HERC2: variants seen among roughly 807,000 people sequenced by gnomAD.
HERC2 encodes the protein E3 ubiquitin-protein ligase HERC2.
HERC2 carries 102 observed loss-of-function variants against 537.7 expected under a neutral mutation model. The observed-to-expected ratio is 0.19, with a 90% confidence interval of 0.16 to 0.22. The LOEUF is 0.22. Ranked by LOEUF, HERC2 falls within the 10% of genes least tolerant of loss-of-function variation. The pLI is 1.00. For synonymous variants in HERC2, 2,224 were observed against 2,466.2 expected (o/e 0.90, Z 2.91); for missense variants, 4,236 against 6,198.2 (o/e 0.68, Z 10.63).
intron 70 of HERC2, 85 bp from the exon 71 acceptor site, chr15:28,146,429 CA>C: frequency 1.1e-6 from 1 of 885,288 alleles, no homozygotes; most frequent in Admixed American, 1.9e-5. Flanking sequence ...CCACATTTAA[CA>C]GCTAATGAAT....
chr15:28,238,071 A>T, intron 25 of HERC2, 43 bp downstream of exon 25: 1 of 1,048,628 alleles, frequency 9.5e-7, no homozygotes, highest in Admixed American at 1.7e-5. Flanking sequence ...CACAGAGGGT[A>T]TCCCCTGCCA....
chr15:28,282,479 G>C (rs961739288), intron 4 of HERC2, among the ~76,000 whole-genome samples: 1 of 151,386 alleles, frequency 6.6e-6, no homozygotes, highest in Non-Finnish European at 1.5e-5. Context: ...AGAAAAGGAA[G>C]ACAAAAAAAA....
intron 37 of HERC2, among the ~76,000 whole-genome samples, chr15:28,219,662 C>A (rs1244582113): frequency 6.6e-6 from 1 of 152,180 alleles, no homozygotes; most frequent in African/African-American, 2.4e-5. Context: ...CCTCTTCCAG[C>A]CCCCATACCA....
intron 7 of HERC2, among the ~76,000 whole-genome samples, chr15:28,273,529 T>C (rs1596366412): frequency 1.3e-5 from 2 of 152,236 alleles, no homozygotes; most frequent in African/African-American, 4.8e-5. Context: ...AAGGATCTTA[T>C]GGTATCAATA....
intron 69 of HERC2, among the ~76,000 whole-genome samples, chr15:28,158,533 G>A (rs907784744): frequency 5.9e-5 from 9 of 152,088 alleles, no homozygotes; most frequent in South Asian, 2.1e-4. Context: ...TTTAAAGTCC[G>A]TTTTATCAGA....
Position 28,286,124 on chromosome 15 carries a change from A to C in HERC2, c.323-5837T>G, listed in dbSNP as rs555079949. Among the ~76,000 whole-genome samples the C allele has an allele frequency of 2.6e-5, 4 of 152,200 alleles. No homozygotes were observed. In the South Asian group the frequency reaches 6.2e-4, roughly 24 times the overall value. On this transcript the variant is annotated intron_variant, in intron 4 of 92. Transcript: ENST00000261609. ...AAAAAAGAATTAACACGGACTCAAA[A>C]CAATCTCTTCTGGAAACTAGAAGAG...
intron 57 of HERC2, 38 bp from the exon 58 acceptor site, chr15:28,179,261 A>C (rs1895597865): frequency 1.4e-6 from 2 of 1,447,908 alleles, no homozygotes; most frequent in Non-Finnish European, 1.9e-6. Context: ...AAAAGAAAAG[A>C]AAATTTTACT....
intron 42 of HERC2, chr15:28,212,924 T>C (rs1182989554): frequency 7.0e-6 from 3 of 430,554 alleles, no homozygotes; most frequent in African/African-American, 6.5e-5. Context: ...ATAGAAAATA[T>C]AGTCAGGCCA....
Position 28,176,163 on chromosome 15 carries a change from C to T in HERC2, c.9686+265G>A, listed in dbSNP as rs183731464. Among the ~76,000 whole-genome samples the T allele has an allele frequency of 6.6e-6, 1 of 152,304 alleles. No individual in the cohort carries two copies. The highest frequency in any genetic ancestry group is 1.9e-4 in the East Asian group (1 of 5,184). ...ATCCTTAGGCTTCAGCAGAAGAAAC[C>T]GTTCCCATAAATCTCACCCAAACAG... On this transcript the variant is annotated intron_variant, in intron 63 of 92. Coordinates refer to ENST00000261609, the MANE Select transcript of HERC2 (RefSeq NM_004667.6). This position sits in a 1 kb window ranked among gnomAD's most constrained non-coding sequence, Gnocchi z 5.0.
At position 28,285,803 on chromosome 15, in the gene HERC2, C is replaced by CAAAAAAA. The variant is rs3079904; in HGVS notation, c.323-5523_323-5517dup. Among the ~76,000 whole-genome samples, 195 of 72,330 alleles carry CAAAAAAA rather than the reference C, an allele frequency of 2.7e-3. 4 individuals carry two copies. Among genetic ancestry groups the CAAAAAAA allele is most frequent in the African/African-American group, 8.2e-3 (188 of 22,992 alleles). The allele number at this position is 72,330 out of a possible 152,430, so 47.5% of individuals were successfully genotyped here. On this transcript the variant is annotated intron_variant, in intron 4 of 92. Transcript: ENST00000261609. ...GACAAACCTCTCTAAGCATGACTGACAAAAAAAAAAAAAAAAGACATAAAT... is the reference window on the plus strand; with the variant it reads ...GACAAACCTCTCTAAGCATGACTGACAAAAAAAAAAAAAAAAAAAAAAAGACATAAAT...
At chr15:28,251,653 A>G (rs1003903016) in intron 20 of HERC2, among the ~76,000 whole-genome samples, 2 of 151,872 alleles carry the variant, frequency 1.3e-5, no homozygotes, top group Non-Finnish European at 2.9e-5. Flanking sequence ...TACAAAAATC[A>G]GCAAGGCGTG....
At chr15:28,261,304 C>G (rs9302376) in intron 15 of HERC2, among the ~76,000 whole-genome samples, 1 of 151,782 alleles carries the variant, frequency 6.6e-6, no homozygotes, top group Non-Finnish European at 1.5e-5. Flanking sequence ...TTCTCCCATC[C>G]GAGATTTAAC....
intron 56 of HERC2, 110 bp downstream of exon 56, chr15:28,186,467 T>C (rs939834796): frequency 1.6e-5 from 13 of 798,744 alleles, no homozygotes; most frequent in Non-Finnish European, 2.5e-5. Context: ...CGTGTGGACA[T>C]AAAATGACTC....
Position 28,265,624 on chromosome 15 carries a change from C to G in HERC2, c.1864G>C (p.Glu622Gln). The change falls in exon 14 of 93, where the codon GAG becomes CAG. Residue 622 changes from glutamate (E) to glutamine (Q), a missense_variant. This residue lies in a region of HERC2 where 754 missense variants were observed against 1,085.0 expected (regional missense o/e 0.69). Coordinates refer to ENST00000261609, the MANE Select transcript of HERC2 (RefSeq NM_004667.6). This position sits in a 1 kb window ranked among gnomAD's most constrained non-coding sequence, Gnocchi z 4.0. ...SGDAQTLAVT[E>Q]NGQVWSWGDG... is the part of the protein sequence containing the mutation. ...TGGCGAGAGCTCTACGTACCGTTCT[C>G]AGTGACAGCCAGGGTTTGAGCATCC... is the stretch of plus-strand genomic sequence containing the variant. 3 of 1,613,756 alleles carry G rather than the reference C, an allele frequency of 1.9e-6. No homozygotes were observed. The highest frequency in any genetic ancestry group is 1.7e-6 in the Non-Finnish European group (2 of 1,179,778).
At position 28,117,787 on chromosome 15, in the gene HERC2, G is replaced by C. The variant is rs1888441807; in HGVS notation, c.13273-633C>G. On this transcript the variant is annotated intron_variant, in intron 86 of 92. Transcript: ENST00000261609. ...ATCCTTCTCATCCTAAGCTACAATT[G>C]CTAAAGGCTCAGGGGCCTCCAATTC... 1.4e-5 allele frequency: 5 copies of C among 353,852 alleles called. No individual in the cohort carries two copies. The Admixed American group carries it at 1.9e-4, about 13-fold the overall frequency. 21.9% of individuals were successfully genotyped at this position (353,852 alleles called of 1,614,324 possible). A position where few individuals can be genotyped will look rare whatever the true frequency, so the allele number is the denominator to read the frequency against.
intron 70 of HERC2, among the ~76,000 whole-genome samples, chr15:28,152,320 T>C (rs530602093): frequency 6.6e-6 from 1 of 152,284 alleles, no homozygotes; most frequent in African/African-American, 2.4e-5. Context: ...ACAGAAGCTG[T>C]CCAGAAATGC....
At position 28,256,075 on chromosome 15, in the gene HERC2, T is replaced by C; in HGVS notation, c.2746+14A>G. On this transcript the variant is annotated intron_variant, in intron 18 of 92. Transcript: ENST00000261609. ...CCTGACCCATGCCCTCTCCTGTTCC[T>C]TCCCCAGGCCCACCTGCGCAGGGCA... The C allele has an allele frequency of 6.2e-7, 1 of 1,603,704 alleles. No homozygotes were observed. Among genetic ancestry groups the C allele is most frequent in the Non-Finnish European group, 8.5e-7 (1 of 1,178,818 alleles).
At chr15:28,245,546 C>CAAA (rs552182472) in intron 23 of HERC2, among the ~76,000 whole-genome samples, 1 of 106,952 alleles carries the variant, frequency 9.3e-6, no homozygotes, top group African/African-American at 3.3e-5. Flanking sequence ...GATGTAGTGT[C>CAAA]AAAAAAAAAA....
intron 23 of HERC2, among the ~76,000 whole-genome samples, chr15:28,245,562 TATATACAC>T (rs1413284849): frequency 3.2e-5 from 2 of 62,934 alleles, no homozygotes; most frequent in African/African-American, 1.1e-4. Context: ...AAAAAAAAAA[TATATACAC>T]ACACACACAC....
Sources: allele counts gnomAD v4.1 joint callset (sites outside exome capture counted in the v4.1 genomes callset), GRCh38; gene constraint gnomAD v4.1.1; regional missense constraint gnomAD v4.1.1; non-coding constraint Gnocchi (gnomAD v3.1); transcripts MANE v1.5; gene names NCBI Gene and HGNC (gene_info 2026-07-23, HGNC 2026-07-21).